Variants in COL27A1 observed in about 807,000 individuals in gnomAD.
COL27A1 encodes the protein collagen type XXVII alpha 1 chain, also known as collagen alpha-1(XXVII) chain.
A neutral mutation model predicts 251.3 loss-of-function variants in COL27A1; 106 were observed. That is an observed-to-expected ratio of 0.42 (90% confidence interval 0.36 to 0.50). COL27A1 has a LOEUF of 0.50. Ranked by LOEUF, COL27A1 falls within the 20% of genes least tolerant of loss-of-function variation. The pLI is 0.00. For synonymous variants in COL27A1, 1,000 were observed against 986.3 expected (o/e 1.01, Z -0.26); for missense variants, 2,325 against 2,522.8 (o/e 0.92, Z 1.68).
At chr9:114,250,579 C>T (rs758375485) in intron 24 of COL27A1, 36 bp from the exon 25 acceptor site, 17 of 1,600,550 alleles carry the variant, frequency 1.1e-5, no homozygotes, top group Admixed American at 5.0e-5. Flanking sequence ...CCCGGATTCA[C>T]GTTGTTTCTC....
intron 28 of COL27A1, among the ~76,000 whole-genome samples, chr9:114,261,893 TG>T (rs1171281295): frequency 6.6e-6 from 1 of 152,228 alleles, no homozygotes; most frequent in African/African-American, 2.4e-5. Context: ...CAGCTTTCAC[TG>T]CTCCTGCGGT....
chr9:114,195,718 G>A (rs1158355455), intron 6 of COL27A1, among the ~76,000 whole-genome samples: 1 of 152,172 alleles, frequency 6.6e-6, no homozygotes, highest in African/African-American at 2.4e-5. Flanking sequence ...GGTGTCTTCT[G>A]CTGAAGCCCA....
chr9:114,183,106 G>T, intron 5 of COL27A1, 31 bp downstream of exon 5: 1 of 1,599,952 alleles, frequency 6.3e-7, no homozygotes, highest in East Asian at 2.2e-5. Flanking sequence ...TGGCCATGGA[G>T]TGGGTGCTGG....
rs200537997 is a variant in COL27A1, at chr9:114,169,385, G to T, written c.1830G>T (p.Ser610=). 6.2e-7 allele frequency: 1 copy of T among 1,610,462 alleles called. No individual in the cohort carries two copies. Among genetic ancestry groups the T allele is most frequent in the South Asian group, 1.1e-5 (1 of 90,866 alleles). Residue 610 remains serine (S), a synonymous_variant, in exon 3 of 61, where the codon TCG becomes TCT. Transcript: ENST00000356083. ...SSPRPTSSGY[S]IFHLAGSTPF... is the part of the protein sequence containing the mutation. ...CCCGGCCCACGAGCAGTGGCTATTC[G>T]ATCTTCCACCTGGCAGGATCTACGC...
chr9:114,281,909 C>T (rs926089085), intron 37 of COL27A1, among the ~76,000 whole-genome samples: 2 of 152,202 alleles, frequency 1.3e-5, no homozygotes, highest in East Asian at 1.9e-4. Flanking sequence ...CTGGAGAGAG[C>T]TCAGTGCAGA....
At chr9:114,254,068 G>T (rs376875129) in intron 27 of COL27A1, among the ~76,000 whole-genome samples, 1 of 152,106 alleles carries the variant, frequency 6.6e-6, no homozygotes, top group East Asian at 1.9e-4. Context: ...TGGGGATGTG[G>T]CAGCAAGAAA....
At chr9:114,178,701 C>T (rs1204376386) in intron 4 of COL27A1, among the ~76,000 whole-genome samples, 1 of 152,208 alleles carries the variant, frequency 6.6e-6, no homozygotes, top group Non-Finnish European at 1.5e-5. Context: ...CATCCCTCTT[C>T]CTGTTTCTGC....
intron 5 of COL27A1, among the ~76,000 whole-genome samples, chr9:114,189,024 A>C (rs1028858867): frequency 2.6e-5 from 4 of 152,180 alleles, no homozygotes; most frequent in South Asian, 4.1e-4. Flanking sequence ...TGATTTTCAC[A>C]AATAGAAATG....
chr9:114,217,977 A>G, intron 12 of COL27A1: 1 of 372,564 alleles, frequency 2.7e-6, no homozygotes, highest in Non-Finnish European at 5.3e-6. Flanking sequence ...AGCCAGGTGT[A>G]GTGGTGTGCA....
At chr9:114,245,777 C>A in intron 23 of COL27A1, 89 bp from the exon 24 acceptor site, 1 of 1,217,154 alleles carries the variant, frequency 8.2e-7, no homozygotes, top group Non-Finnish European at 1.2e-6. Flanking sequence ...CCACTAATGG[C>A]AGCTAAGGCC....
chr9:114,169,955 G>A (rs945435595), intron 3 of COL27A1, among the ~76,000 whole-genome samples: 1 of 152,228 alleles, frequency 6.6e-6, no homozygotes, highest in African/African-American at 2.4e-5. Context: ...TTTGGCACGT[G>A]CAGTGTTCTT....
In COL27A1 at chr9:114,308,098, TAA is replaced by T. The variant is rs1829185915; in HGVS notation, c.5217+323_5217+324del. On this transcript the variant is annotated intron_variant, in intron 59 of 60. Coordinates refer to ENST00000356083, the MANE Select transcript of COL27A1 (RefSeq NM_032888.4). ...GGAACTATGAATCATCAGCATGAAA[TAA>T]AAGAGAAAACTAGCATGATGCTCAT... 2.0e-5 allele frequency among the ~76,000 whole-genome samples: 3 copies of T among 152,078 alleles called. No individual in the cohort carries two copies. The South Asian group carries it at 6.2e-4, about 31-fold the overall frequency.
At chr9:114,231,249 A>G (rs1831928430) in intron 15 of COL27A1, 117 bp downstream of exon 15, 1 of 991,108 alleles carries the variant, frequency 1.0e-6, no homozygotes. Flanking sequence ...GGATGGCAGG[A>G]TGCTCAGAGG....
chr9:114,225,260 T>G (rs981018515), intron 14 of COL27A1, among the ~76,000 whole-genome samples: 4 of 152,194 alleles, frequency 2.6e-5, no homozygotes, highest in African/African-American at 9.7e-5. Flanking sequence ...TCCAGGGCAC[T>G]CCTCTTTTTG....
intron 3 of COL27A1, among the ~76,000 whole-genome samples, chr9:114,171,902 A>G (rs1244583876): frequency 1.3e-5 from 2 of 152,160 alleles, no homozygotes; most frequent in African/African-American, 4.8e-5. Flanking sequence ...AGATGATCCA[A>G]GAGGGGTTGG....
At chr9:114,208,131 G>T (rs190403420) in intron 10 of COL27A1, among the ~76,000 whole-genome samples, 1 of 152,288 alleles carries the variant, frequency 6.6e-6, no homozygotes, top group African/African-American at 2.4e-5. Flanking sequence ...CCTCTACAGG[G>T]GGCTGAGTAA....
intron 5 of COL27A1, among the ~76,000 whole-genome samples, chr9:114,191,728 C>T (rs1241745622): frequency 6.6e-6 from 1 of 152,184 alleles, no homozygotes; most frequent in Non-Finnish European, 1.5e-5. Flanking sequence ...AATGAATATA[C>T]AAGTGCATGT....
chr9:114,309,203 C>G lies in COL27A1; in HGVS notation c.5218-57C>G, dbSNP rs774688545. On this transcript the variant is annotated intron_variant, in intron 59 of 60. Transcript: ENST00000356083. ...CCTCCATAGAGAGGCAGGGAACCCT[C>G]GGTGTGGGGGGTGTGGGGGGCAGCC... 6.3e-6 allele frequency: 9 copies of G among 1,431,412 alleles called. No individual in the cohort carries two copies. In the Admixed American group the frequency reaches 1.5e-4, roughly 24 times the overall value. The allele number at this position is 1,431,412 out of a possible 1,614,324, so 88.7% of individuals were successfully genotyped here. A position where few individuals can be genotyped will look rare whatever the true frequency, so the allele number is the denominator to read the frequency against.
Position 114,264,413 on chromosome 9 carries a change from C to G in COL27A1, c.3249+5C>G, listed in dbSNP as rs755931742. ...CAAGGGTCCAGGGGCCTGAAGGTAC[C>G]GACCCCTAGGACCTGCCCTTCCTCA... On this transcript the variant is annotated splice_donor_5th_base_variant and intron_variant, in intron 29 of 60. Transcript: ENST00000356083. 1.3e-6 allele frequency: 2 copies of G among 1,574,250 alleles called. No individual in the cohort carries two copies. Among genetic ancestry groups the G allele is most frequent in the Admixed American group, 1.8e-5 (1 of 55,616 alleles).
Sources: allele counts gnomAD v4.1 joint callset (sites outside exome capture counted in the v4.1 genomes callset), GRCh38; gene constraint gnomAD v4.1.1; transcripts MANE v1.5; gene names NCBI Gene and HGNC (gene_info 2026-07-23, HGNC 2026-07-21).